The following LARP1 variants were observed in gnomAD, a reference collection of about 807,000 sequenced individuals.
LARP1 encodes La ribonucleoprotein 1, translational regulator.
In LARP1, 36 loss-of-function variants were observed where a neutral mutation model predicts 122.7. That is an observed-to-expected ratio of 0.29 (90% confidence interval 0.22 to 0.39). The LOEUF (loss-of-function observed/expected upper bound fraction) is 0.39, where lower values mean the gene tolerates loss of function less well. LARP1 is among the 10% of genes least tolerant of loss of function. The pLI is 1.00. For missense variants in LARP1, 1,040 were observed against 1,403.6 expected (o/e 0.74, Z 4.14); for synonymous variants, 539 against 528.7 (o/e 1.02, Z -0.27).
At chr5:154,774,433 T>C (rs1192515763) in intron 1 of LARP1, among the ~76,000 whole-genome samples, 1 of 152,188 alleles carries the variant, frequency 6.6e-6, no homozygotes, top group Non-Finnish European at 1.5e-5. Context: ...TGGTTTGCAC[T>C]CTGGGAGCCA....
chr5:154,728,726 T>C (rs545827304), intron 1 of LARP1, among the ~76,000 whole-genome samples: 1 of 152,174 alleles, frequency 6.6e-6, no homozygotes, highest in Middle Eastern at 3.4e-3. Context: ...GATTGACTAA[T>C]AAGAAGGAAA....
chr5:154,806,518 A>G (rs762944927), intron 15 of LARP1, among the ~76,000 whole-genome samples: 10 of 152,356 alleles, frequency 6.6e-5, no homozygotes, highest in Non-Finnish European at 8.8e-5. Flanking sequence ...GACAGAGACT[A>G]TATGTCTTCT....
rs1755293548 is a variant in LARP1 at position 154,712,933 on chromosome 5, G to A, written c.8G>A (p.Trp3Ter). 6.2e-7 allele frequency: 1 copy of A among 1,613,424 alleles called. No individual in the cohort carries two copies. The highest frequency in any genetic ancestry group is 8.5e-7 in the Non-Finnish European group (1 of 1,180,016). ...CCAGGCCCTGGTCACTCCATGCTTT[G>A]GAGGGTGCTTTTGTCAAAGAGGCCT... Residue 3 changes from tryptophan (W) to a stop codon, truncating the protein, a stop_gained, in exon 1 of 19, where the codon TGG becomes TAG. Coordinates refer to the LARP1 transcript ENST00000336314. LOFTEE classifies it high-confidence loss of function.
At chr5:154,778,744 C>A (rs922134371) in intron 1 of LARP1, among the ~76,000 whole-genome samples, 3 of 152,216 alleles carry the variant, frequency 2.0e-5, no homozygotes, top group Admixed American at 6.5e-5. Flanking sequence ...GTCAACCAGT[C>A]TCTTGACTTC....
At chr5:154,734,772 CT>C (rs34507373) in intron 1 of LARP1, among the ~76,000 whole-genome samples, 3 of 152,042 alleles carry the variant, frequency 2.0e-5, no homozygotes, top group African/African-American at 7.2e-5. Flanking sequence ...ATTTCCAGAA[CT>C]TTTTTATCTT....
intron 1 of LARP1, among the ~76,000 whole-genome samples, chr5:154,695,430 G>A (rs1330509490): frequency 6.6e-6 from 1 of 151,830 alleles, no homozygotes; most frequent in Admixed American, 6.6e-5. Context: ...AGGCCGAGGC[G>A]GGCAGATCAC....
chr5:154,803,452 G>C lies in LARP1; in HGVS notation c.2233+39G>C, dbSNP rs572008206. Reference sequence around the variant, plus strand: ...ACCTGAGATCCTGACATGGGTGAGAGGATCTAGGGCCCTTGGACTGGGGGC... The same window carrying C: ...ACCTGAGATCCTGACATGGGTGAGACGATCTAGGGCCCTTGGACTGGGGGC... On this transcript the variant is annotated intron_variant, in intron 12 of 18. Coordinates refer to ENST00000518297, the MANE Select transcript of LARP1 (RefSeq NM_033551.3). The surrounding 1 kb of genome is among the most constrained non-coding windows in gnomAD (Gnocchi z 4.4). 6.2e-7 allele frequency: 1 copy of C among 1,614,144 alleles called. No homozygotes were observed. Among genetic ancestry groups the C allele is most frequent in the Admixed American group, 1.7e-5 (1 of 60,018 alleles).
At chr5:154,799,450 G>A (rs1175644881) in intron 8 of LARP1, 141 bp from the exon 9 acceptor site, 2 of 797,098 alleles carry the variant, frequency 2.5e-6, no homozygotes, top group Middle Eastern at 3.7e-4. Flanking sequence ...TACCAGTCGT[G>A]GAAGATGGTG....
chr5:154,708,864 G>T (rs754199826), upstream of LARP1, among the ~76,000 whole-genome samples: 4 of 152,172 alleles, frequency 2.6e-5, no homozygotes, highest in African/African-American at 4.8e-5. Flanking sequence ...ACCCACCTCA[G>T]CCTCCCAAAG....
intron 18 of LARP1, among the ~76,000 whole-genome samples, chr5:154,812,521 C>T (rs1759363561): frequency 1.9e-5 from 2 of 103,586 alleles, no homozygotes; most frequent in African/African-American, 3.6e-5. Context: ...CCCCCCCACC[C>T]CCCCTTTTTT....
intron 8 of LARP1, among the ~76,000 whole-genome samples, chr5:154,795,856 T>G (rs765996504): frequency 3.4e-4 from 46 of 134,574 alleles, no homozygotes; most frequent in Non-Finnish European, 5.8e-4. Context: ...TTATATATAT[T>G]TTATATACAT....
At chr5:154,790,830 TC>T (rs1289855121) in intron 3 of LARP1, 120 bp downstream of exon 3, 6 of 931,740 alleles carry the variant, frequency 6.4e-6, no homozygotes, top group East Asian at 2.6e-5. Flanking sequence ...TTCTTTTTTT[TC>T]CCCCCAACAG....
At chr5:154,754,179 G>A (rs1281476099), upstream of LARP1, among the ~76,000 whole-genome samples, 1 of 152,164 alleles carries the variant, frequency 6.6e-6, no homozygotes, top group Non-Finnish European at 1.5e-5. Context: ...TGTCTTCATA[G>A]ATACTAGACA....
Position 154,802,867 on chromosome 5 carries a change from G to A in LARP1, c.2110-423G>A, listed in dbSNP as rs1321470195. 1.4e-4 allele frequency among the ~76,000 whole-genome samples: 22 copies of A among 152,166 alleles called. No individual in the cohort carries two copies. The highest frequency in any genetic ancestry group is 1.4e-3 in the Admixed American group (22 of 15,276). The stretch of plus-strand genomic sequence containing the variant: ...GTGGGATTTTAGAGTGGGTATGTTT[G>A]GTGGTAGGTTGTCCTAGGGTGAGCC... On this transcript the variant is annotated intron_variant, in intron 11 of 18. Coordinates refer to ENST00000518297, the MANE Select transcript of LARP1 (RefSeq NM_033551.3). This position sits in a 1 kb window ranked among gnomAD's most constrained non-coding sequence, Gnocchi z 5.1.
At chr5:154,745,787 C>G (rs1434764406) in intron 1 of LARP1, among the ~76,000 whole-genome samples, 1 of 151,914 alleles carries the variant, frequency 6.6e-6, no homozygotes, top group Non-Finnish European at 1.5e-5. Flanking sequence ...TGGGCCTAAA[C>G]CCAACTGTTT....
intron 1 of LARP1, among the ~76,000 whole-genome samples, chr5:154,774,809 G>A (rs1316471171): frequency 6.6e-6 from 1 of 152,144 alleles, no homozygotes; most frequent in Non-Finnish European, 1.5e-5. Context: ...TCACTAAGAA[G>A]CCGTCTGGTC....
upstream of LARP1, among the ~76,000 whole-genome samples, chr5:154,709,939 A>G (rs547383652): frequency 3.4e-4 from 52 of 152,208 alleles, no homozygotes; most frequent in African/African-American, 1.2e-3. Flanking sequence ...CGTCACCTCA[A>G]TTCTACCCCA....
At chr5:154,697,764 AG>A (rs1210907328) in intron 1 of LARP1, among the ~76,000 whole-genome samples, 1 of 152,186 alleles carries the variant, frequency 6.6e-6, no homozygotes, top group African/African-American at 2.4e-5. Context: ...GGGCTGGTGC[AG>A]GGGGGATAGA....
chr5:154,761,422 T>A (rs1401650908), intron 1 of LARP1, among the ~76,000 whole-genome samples: 1 of 152,136 alleles, frequency 6.6e-6, no homozygotes, highest in East Asian at 1.9e-4. Flanking sequence ...TTAATAGCTG[T>A]TACTGAGCAC....
Sources: gnomAD v4.1 joint callset for allele counts (sites outside exome capture counted in the v4.1 genomes callset) on GRCh38, gnomAD v4.1.1 for gene constraint, Gnocchi (gnomAD v3.1) non-coding constraint, MANE v1.5 for transcripts, NCBI Gene and HGNC (gene_info 2026-07-23, HGNC 2026-07-21) for gene names.